The following PTPRG variants were observed in gnomAD, a reference collection of about 807,000 sequenced individuals.
PTPRG encodes protein tyrosine phosphatase receptor type G.
Under a neutral mutation model 165.3 loss-of-function variants are expected in PTPRG, and 102 were observed. That is an observed-to-expected ratio of 0.62 (90% CI 0.53 to 0.73). The LOEUF (loss-of-function observed/expected upper bound fraction) is 0.73. Ranked by LOEUF, PTPRG falls within the 30% of genes least tolerant of loss-of-function variation. The probability of loss-of-function intolerance (pLI) is 0.00; values close to 1 mark genes in which losing one functional copy is unlikely to be tolerated. For missense variants in PTPRG, 1,866 were observed against 1,861.4 expected, an observed-to-expected ratio of 1.00 and a Z score of -0.05; for synonymous variants, 675 against 669.5, an observed-to-expected ratio of 1.01 and a Z score of -0.13.
chr3:62,047,068 C>T (rs1443598668), intron 4 of PTPRG, among the ~76,000 whole-genome samples: 1 of 152,054 alleles, frequency 6.6e-6, no homozygotes, highest in Non-Finnish European at 1.5e-5. Context: ...AGAATTAGAA[C>T]CCACATTTTC....
At chr3:61,846,839 C>G (rs1237431120) in intron 2 of PTPRG, among the ~76,000 whole-genome samples, 1 of 152,028 alleles carries the variant, frequency 6.6e-6, no homozygotes, top group Non-Finnish European at 1.5e-5. Flanking sequence ...TGCTTGAGTC[C>G]AGGAGGTGGA....
chr3:62,001,561 G>A (rs1244952068), intron 3 of PTPRG, among the ~76,000 whole-genome samples: 1 of 151,100 alleles, frequency 6.6e-6, no homozygotes, highest in African/African-American at 2.4e-5. Flanking sequence ...GTATGTGGTT[G>A]GTATAATATA....
At chr3:62,047,854 C>G (rs1387127654) in intron 4 of PTPRG, among the ~76,000 whole-genome samples, 2 of 152,088 alleles carry the variant, frequency 1.3e-5, no homozygotes, top group Non-Finnish European at 2.9e-5. Flanking sequence ...CCTCCCCCAG[C>G]CTTTTAAAAA....
chr3:61,621,241 G>A (rs1701450936), intron 1 of PTPRG, among the ~76,000 whole-genome samples: 2 of 152,034 alleles, frequency 1.3e-5, no homozygotes, highest in African/African-American at 4.8e-5. Flanking sequence ...ACTCAGTGCT[G>A]GAAATGACCA....
At chr3:61,928,487 A>G (rs189656585) in intron 2 of PTPRG, among the ~76,000 whole-genome samples, 2 of 152,318 alleles carry the variant, frequency 1.3e-5, no homozygotes, top group East Asian at 1.9e-4. Context: ...AAAAAGTCAT[A>G]GCAATTGTCA....
At chr3:61,854,329 T>G (rs546679363) in intron 2 of PTPRG, among the ~76,000 whole-genome samples, 1 of 152,290 alleles carries the variant, frequency 6.6e-6, no homozygotes. Flanking sequence ...TGAGCCTCGG[T>G]TTCTTATCTG....
chr3:61,916,599 T>C (rs1231453975), intron 2 of PTPRG, among the ~76,000 whole-genome samples: 1 of 152,198 alleles, frequency 6.6e-6, no homozygotes, highest in African/African-American at 2.4e-5. Flanking sequence ...GCCTATTCGA[T>C]TGTTTCTCTT....
intron 4 of PTPRG, among the ~76,000 whole-genome samples, chr3:62,041,849 A>G (rs1331447970): frequency 2.0e-5 from 3 of 152,138 alleles, no homozygotes; most frequent in African/African-American, 4.8e-5. Context: ...AGTGACTATA[A>G]TGCTGGTGGC....
At chr3:62,146,158 CTTAA>C (rs1057197245) in intron 6 of PTPRG, among the ~76,000 whole-genome samples, 1 of 152,178 alleles carries the variant, frequency 6.6e-6, no homozygotes, top group African/African-American at 2.4e-5. Context: ...TGTTCATTTC[CTTAA>C]TTGTTGACAA....
intron 1 of PTPRG, among the ~76,000 whole-genome samples, chr3:61,747,219 C>G (rs971636790): frequency 6.6e-6 from 1 of 152,168 alleles, no homozygotes; most frequent in African/African-American, 2.4e-5. Context: ...TCTTAGAAGG[C>G]TGGCATTTTT....
chr3:61,683,710 T>C (rs749166082), intron 1 of PTPRG, among the ~76,000 whole-genome samples: 13 of 152,254 alleles, frequency 8.5e-5, no homozygotes, highest in Non-Finnish European at 1.9e-4. Flanking sequence ...TCTCGACTTA[T>C]GACTTCACCG....
intron 2 of PTPRG, among the ~76,000 whole-genome samples, chr3:61,918,078 A>G (rs1263412681): frequency 6.6e-6 from 1 of 152,220 alleles, no homozygotes; most frequent in Non-Finnish European, 1.5e-5. Context: ...AGAACTCTTG[A>G]ATTTTTTCCC....
chr3:61,757,160 T>C (rs144024263), intron 2 of PTPRG, among the ~76,000 whole-genome samples: 1 of 152,218 alleles, frequency 6.6e-6, no homozygotes, highest in East Asian at 1.9e-4. Flanking sequence ...ATATGGGTAA[T>C]ATGGTCCCAT....
chr3:61,876,126 A>T (rs2037733265), intron 2 of PTPRG, among the ~76,000 whole-genome samples: 1 of 152,196 alleles, frequency 6.6e-6, no homozygotes, highest in Non-Finnish European at 1.5e-5. Flanking sequence ...ACATGACATG[A>T]TTTCTGTAGT....
chr3:62,059,754 G>C (rs1022605043), intron 4 of PTPRG, among the ~76,000 whole-genome samples: 1 of 152,176 alleles, frequency 6.6e-6, no homozygotes, highest in Non-Finnish European at 1.5e-5. Flanking sequence ...AACCTAGTAG[G>C]AGGTAGTGGA....
chr3:61,969,503 C>T (rs1466206034), intron 2 of PTPRG, among the ~76,000 whole-genome samples: 2 of 152,040 alleles, frequency 1.3e-5, no homozygotes, highest in African/African-American at 4.8e-5. Flanking sequence ...TCCTTTTCAG[C>T]AAAAAGTATT....
chr3:61,587,972 T>TTA (rs60716863), intron 1 of PTPRG, among the ~76,000 whole-genome samples: 1 of 151,602 alleles, frequency 6.6e-6, no homozygotes, highest in African/African-American at 2.4e-5. Context: ...TTTTTTTTTT[T>TTA]AAACTTTTTT....
chr3:62,255,158 C>T lies in PTPRG; in HGVS notation c.2502C>T (p.Val834=), dbSNP rs1666223071. 1 of 1,613,274 alleles carries T rather than the reference C, an allele frequency of 6.2e-7. No individual in the cohort carries two copies. Among genetic ancestry groups the T allele is most frequent in the Non-Finnish European group, 8.5e-7 (1 of 1,179,550 alleles). Residue 834 remains valine, a synonymous_variant, in exon 16 of 30, where the codon GTC becomes GTT. Transcript: ENST00000474889. The surrounding 1 kb of genome is among the most constrained non-coding windows in gnomAD (Gnocchi z 4.0). The part of the protein sequence containing the change: ...DMEAIPVKQF[V]KHIGELYSNN... The stretch of plus-strand genomic sequence containing the variant: ...AAGCCATTCCTGTCAAACAGTTTGT[C>T]AAACACATCGGTGAGCTCTATTCTA...
Position 62,269,108 on chromosome 3 carries a change from C to T in PTPRG, c.2948C>T (p.Thr983Ile). 6.2e-7 allele frequency: 1 copy of T among 1,608,546 alleles called. No homozygotes were observed. Among genetic ancestry groups the T allele is most frequent in the Middle Eastern group, 1.7e-4 (1 of 6,036 alleles). Residue 983 changes from threonine to isoleucine, a missense_variant, in exon 20 of 30, where the codon ACA (threonine) becomes ATA (isoleucine). Transcript: ENST00000474889. ...AACATTATTGTCACGCTGAAGAGCA[C>T]AAAAATACATGCCTGCTACACTGTT... ...YGNIIVTLKS[T>I]KIHACYTVRR...
Sources: gnomAD v4.1 joint callset for allele counts (sites outside exome capture counted in the v4.1 genomes callset) on GRCh38, gnomAD v4.1.1 for gene constraint, Gnocchi (gnomAD v3.1) non-coding constraint, MANE v1.5 for transcripts, NCBI Gene and HGNC (gene_info 2026-07-23, HGNC 2026-07-21) for gene names.